Variants in ACOXL observed in about 807,000 individuals in gnomAD.
The protein encoded by ACOXL is acyl-CoA oxidase like, also known as acyl-coenzyme A oxidase-like protein.
Under a neutral mutation model 71.9 loss-of-function variants are expected in ACOXL, and 70 were observed. The ratio of observed to expected loss-of-function variants is 0.97; its 90% CI spans 0.80 to 1.19. ACOXL has a LOEUF of 1.19. Among genes scored for constraint, ACOXL ranks in the 50% most tolerant of loss-of-function variants. The pLI is 0.00. For synonymous variants in ACOXL, 253 were observed against 281.6 expected (o/e 0.90, Z 1.02); for missense variants, 703 against 736.3 (o/e 0.95, Z 0.52).
Position 111,077,319 on chromosome 2 carries a change from G to T in ACOXL, c.1441-15546G>T, listed in dbSNP as rs535117346. The stretch of plus-strand genomic sequence containing the variant: ...AATATTTTATCTCTTCAAGTGGAAT[G>T]TAGAAACCTTACCACCATAGTGTTC... On this transcript the variant is annotated intron_variant, in intron 16 of 17. Transcript: ENST00000439055. 6.4e-4 allele frequency among the ~76,000 whole-genome samples: 97 copies of T among 152,280 alleles called. 1 individual carries two copies. The South Asian group carries it at 7.9e-3, about 12-fold the overall frequency.
At chr2:110,964,077 G>A (rs559163371) in intron 12 of ACOXL, among the ~76,000 whole-genome samples, 18 of 152,278 alleles carry the variant, frequency 1.2e-4, no homozygotes, top group African/African-American at 4.3e-4. Context: ...ATGCATATTA[G>A]ACTATTCGGC....
chr2:110,758,711 C>T (rs1312521290), intron 1 of ACOXL, among the ~76,000 whole-genome samples: 1 of 152,152 alleles, frequency 6.6e-6, no homozygotes, highest in African/African-American at 2.4e-5. Flanking sequence ...TTCTTGTCTT[C>T]TGCTAGCTTT....
intron 11 of ACOXL, among the ~76,000 whole-genome samples, chr2:110,923,128 C>A (rs776727053): frequency 4.6e-5 from 7 of 152,146 alleles, no homozygotes; most frequent in Non-Finnish European, 1.0e-4. Flanking sequence ...AAGAGACTGC[C>A]TTCACTTTAA....
At chr2:110,927,950 G>GGAT (rs2060339110) in intron 11 of ACOXL, among the ~76,000 whole-genome samples, 1 of 152,096 alleles carries the variant, frequency 6.6e-6, no homozygotes, top group Non-Finnish European at 1.5e-5. Context: ...TTTGCTACAG[G>GGAT]GATGAATTTC....
intron 10 of ACOXL, among the ~76,000 whole-genome samples, chr2:110,851,841 G>A (rs1692636724): frequency 6.6e-6 from 1 of 152,198 alleles, no homozygotes; most frequent in Non-Finnish European, 1.5e-5. Context: ...GGAAATGGGG[G>A]GCAGCTGTTT....
intron 12 of ACOXL, among the ~76,000 whole-genome samples, chr2:110,978,083 G>C (rs2062538452): frequency 6.6e-6 from 1 of 152,284 alleles, no homozygotes; most frequent in South Asian, 2.1e-4. Flanking sequence ...GCTGCTTGAA[G>C]AGGTATCTTA....
At chr2:110,885,661 T>A in intron 10 of ACOXL, among the ~76,000 whole-genome samples, 1 of 152,220 alleles carries the variant, frequency 6.6e-6, no homozygotes, top group Non-Finnish European at 1.5e-5. Context: ...ACATTGTGTA[T>A]GTACATAAAA....
At chr2:110,889,906 C>G (rs1697747408) in intron 10 of ACOXL, among the ~76,000 whole-genome samples, 1 of 152,250 alleles carries the variant, frequency 6.6e-6, no homozygotes, top group East Asian at 1.9e-4. Flanking sequence ...TTCAGTGTAG[C>G]TGCACCATTA....
At chr2:110,894,492 T>C (rs897551369) in intron 10 of ACOXL, among the ~76,000 whole-genome samples, 1 of 151,896 alleles carries the variant, frequency 6.6e-6, no homozygotes, top group Non-Finnish European at 1.5e-5. Context: ...AAAAGCTGAG[T>C]GGGGAGTATA....
chr2:110,787,209 T>C (rs1188680619), intron 3 of ACOXL, among the ~76,000 whole-genome samples: 2 of 152,044 alleles, frequency 1.3e-5, no homozygotes, highest in Admixed American at 1.3e-4. Flanking sequence ...TAGAAGGAAA[T>C]TGGCATAGAC....
chr2:111,102,130 C>G (rs761982886), intron 17 of ACOXL: 9 of 152,758 alleles, frequency 5.9e-5, no homozygotes, highest in South Asian at 2.1e-4. Context: ...TGCTAAGAGA[C>G]GAGAAAATCT....
chr2:111,043,822 C>G (rs966450550), intron 15 of ACOXL, among the ~76,000 whole-genome samples: 2 of 152,180 alleles, frequency 1.3e-5, no homozygotes, highest in African/African-American at 4.8e-5. Flanking sequence ...ATATTTCTGC[C>G]ACAACTAAGA....
intron 11 of ACOXL, among the ~76,000 whole-genome samples, chr2:110,932,449 A>G (rs945376115): frequency 2.0e-5 from 3 of 152,214 alleles, no homozygotes; most frequent in African/African-American, 7.2e-5. Flanking sequence ...TAAAGCAAAA[A>G]TAGGCATGAG....
At chr2:110,842,743 A>G (rs973974035) in intron 10 of ACOXL, among the ~76,000 whole-genome samples, 1 of 152,318 alleles carries the variant, frequency 6.6e-6, no homozygotes, top group South Asian at 2.1e-4. Context: ...GCTACCTCTC[A>G]AATGAGAATT....
At chr2:110,873,901 A>G (rs1392110049) in intron 10 of ACOXL, among the ~76,000 whole-genome samples, 2 of 152,198 alleles carry the variant, frequency 1.3e-5, no homozygotes, top group Non-Finnish European at 2.9e-5. Context: ...TTCCCTCACC[A>G]GTGTATGAGG....
intron 14 of ACOXL, among the ~76,000 whole-genome samples, chr2:111,020,112 G>A (rs946265482): frequency 5.3e-5 from 8 of 152,160 alleles, no homozygotes; most frequent in Non-Finnish European, 1.0e-4. Flanking sequence ...CACCTGCCTC[G>A]GCCTTCCAAA....
chr2:110,833,334 C>T (rs1458714944), intron 9 of ACOXL, among the ~76,000 whole-genome samples: 2 of 152,216 alleles, frequency 1.3e-5, no homozygotes, highest in Non-Finnish European at 2.9e-5. Context: ...TTACATCCTG[C>T]ATGGTTACAT....
intron 15 of ACOXL, among the ~76,000 whole-genome samples, 170 bp from the exon 16 acceptor site, chr2:111,049,048 C>T (rs542993965): frequency 2.0e-3 from 311 of 152,174 alleles, no homozygotes; most frequent in African/African-American, 7.1e-3. Context: ...AGTCACTGTA[C>T]GGGGGCCCCT....
intron 2 of ACOXL, among the ~76,000 whole-genome samples, chr2:110,784,239 T>C (rs1198236752): frequency 1.3e-5 from 2 of 151,142 alleles, no homozygotes; most frequent in Non-Finnish European, 1.5e-5. Flanking sequence ...CTGGGCAACA[T>C]AGCGAGACCC....
Sources: allele counts gnomAD v4.1 joint callset (sites outside exome capture counted in the v4.1 genomes callset), GRCh38; gene constraint gnomAD v4.1.1; transcripts MANE v1.5; gene names NCBI Gene and HGNC (gene_info 2026-07-23, HGNC 2026-07-21).